The following TRAPPC8 variants were observed in gnomAD, a reference collection of about 807,000 sequenced individuals.
TRAPPC8 encodes the protein trafficking protein particle complex subunit 8, also known as general sporulation gene 1 homolog.
Under a neutral mutation model 174.3 loss-of-function variants are expected in TRAPPC8, and 54 were observed. The observed-to-expected ratio is 0.31, with a 90% CI of 0.25 to 0.39. The LOEUF is 0.39. Ranked by LOEUF, TRAPPC8 falls within the 10% of genes least tolerant of loss-of-function variation. The pLI, the probability that TRAPPC8 is intolerant of heterozygous loss-of-function variation, is 1.00. For synonymous variants in TRAPPC8, 630 were observed against 579.9 expected (o/e 1.09, Z -1.24); for missense variants, 1,531 against 1,699.1 (o/e 0.90, Z 1.74).
chr18:31,841,277 TG>T (rs1333771686), intron 26 of TRAPPC8, among the ~76,000 whole-genome samples: 2 of 152,284 alleles, frequency 1.3e-5, no homozygotes, highest in African/African-American at 4.8e-5. Flanking sequence ...TTTGTATATT[TG>T]TTTTTTTTGT....
chr18:31,907,907 G>C (rs1406285857), intron 8 of TRAPPC8, among the ~76,000 whole-genome samples: 2 of 152,152 alleles, frequency 1.3e-5, no homozygotes, highest in Non-Finnish European at 2.9e-5. Context: ...ACAACCAGGA[G>C]AAAGATTAAA....
Position 31,910,214 on chromosome 18 carries a change from G to A in TRAPPC8, c.772-454C>T, listed in dbSNP as rs9963005. ...GGTTGGAGTGAATTCTGAATATACTGAAGTGTTTTAGAAAAATATCTAACG... is the reference window on the plus strand; with the variant it reads ...GGTTGGAGTGAATTCTGAATATACTAAAGTGTTTTAGAAAAATATCTAACG... On this transcript the variant is annotated intron_variant, in intron 5 of 28. Transcript: ENST00000283351. Among the ~76,000 whole-genome samples, 371 of 152,228 alleles carry A rather than the reference G, an allele frequency of 2.4e-3. 2 individuals are homozygous for A. The highest frequency in any genetic ancestry group is 8.3e-3 in the African/African-American group (345 of 41,552).
In TRAPPC8 at chr18:31,931,648, C is replaced by T. The variant is rs148833130; in HGVS notation, c.158-125G>A. On this transcript the variant is annotated intron_variant, in intron 1 of 28. Coordinates refer to ENST00000283351, the MANE Select transcript of TRAPPC8 (RefSeq NM_014939.5). ...CAGAAGCCAGCAATTCCAAGTGGAACGTTCTTCCAGAAATATAAATGGTTG... is the reference window on the plus strand; with the variant it reads ...CAGAAGCCAGCAATTCCAAGTGGAATGTTCTTCCAGAAATATAAATGGTTG... 446 of 637,408 alleles carry T rather than the reference C, an allele frequency of 7.0e-4. 2 individuals carry two copies. The African/African-American group carries it at 7.0e-3, about 10-fold the overall frequency. The allele number at this position is 637,408 out of a possible 1,614,324, so 39.5% of individuals were successfully genotyped here. A position where few individuals can be genotyped will look rare whatever the true frequency, so the allele number is the denominator to read the frequency against.
At position 31,909,036 on chromosome 18, in the gene TRAPPC8, T is replaced by TAAA. The variant is rs779366431; in HGVS notation, c.866-27_866-26insTTT. On this transcript the variant is annotated intron_variant, in intron 6 of 28. Transcript: ENST00000283351. ...CTACTGAAAAAGAGATTATTTCTTT[T>TAAA]ACTCTCAGAATGCAACAGAAAACAG... 3 of 1,578,890 alleles carry TAAA rather than the reference T, an allele frequency of 1.9e-6. No individual in the cohort carries two copies. The Admixed American group carries it at 5.2e-5, about 27-fold the overall frequency.
rs1310494779 is a variant in TRAPPC8 at position 31,885,657 on chromosome 18, G to A, written c.1728+5078C>T. Among the ~76,000 whole-genome samples the A allele has an allele frequency of 3.3e-5, 5 of 151,812 alleles. No individual in the cohort carries two copies. The South Asian group carries it at 6.2e-4, about 19-fold the overall frequency. ...GCAGATCACCTGAGGTCAGGAGTTC[G>A]AGACCAACCTGACCAACATGGAGAA... On this transcript the variant is annotated intron_variant, in intron 12 of 28. Transcript: ENST00000283351.
At chr18:31,857,473 G>T in intron 20 of TRAPPC8, 67 bp downstream of exon 20, 2 of 1,260,910 alleles carry the variant, frequency 1.6e-6, no homozygotes. Context: ...ATATCAAAAT[G>T]TTTATCTGAA....
At chr18:31,921,206 T>G (rs1378789158) in intron 2 of TRAPPC8, among the ~76,000 whole-genome samples, 1 of 152,142 alleles carries the variant, frequency 6.6e-6, no homozygotes, top group African/African-American at 2.4e-5. Context: ...TATATTTGCT[T>G]ATAGTTTCAA....
intron 4 of TRAPPC8, 30 bp downstream of exon 4, chr18:31,916,241 GA>G: frequency 1.4e-6 from 2 of 1,424,032 alleles, no homozygotes; most frequent in South Asian, 1.7e-5. Flanking sequence ...CATTTAACTG[GA>G]AAAAATTTAA....
chr18:31,905,165 A>T (rs969046292), intron 9 of TRAPPC8, among the ~76,000 whole-genome samples: 3 of 152,210 alleles, frequency 2.0e-5, no homozygotes, highest in African/African-American at 7.2e-5. Flanking sequence ...CTATTCTACT[A>T]CAACACATTT....
Position 31,846,835 on chromosome 18 carries a change from C to T in TRAPPC8, c.3736-18G>A. 6.3e-7 allele frequency: 1 copy of T among 1,591,164 alleles called. No individual in the cohort carries two copies. Among genetic ancestry groups the T allele is most frequent in the Non-Finnish European group, 8.6e-7 (1 of 1,162,838 alleles). On this transcript the variant is annotated intron_variant, in intron 25 of 28. Transcript: ENST00000283351. ...ACGTATGCCTAAAAAATGCAAAGTA[C>T]AAAAACGTTACCGTGCTTGACAGTA...
chr18:31,862,991 G>A (rs1028460967), intron 19 of TRAPPC8, among the ~76,000 whole-genome samples: 1 of 148,726 alleles, frequency 6.7e-6, no homozygotes, highest in Non-Finnish European at 1.5e-5. Context: ...GACGGAGGTT[G>A]CAGTGAGCCG....
chr18:31,874,791 T>C lies in TRAPPC8; in HGVS notation c.1729-87A>G, dbSNP rs940505446. 3.6e-6 allele frequency: 4 copies of C among 1,102,482 alleles called. No homozygotes were observed. In the African/African-American group the frequency reaches 6.3e-5, roughly 17 times the overall value. 68.3% of individuals were successfully genotyped at this position (1,102,482 alleles called of 1,614,324 possible). On this transcript the variant is annotated intron_variant, in intron 12 of 28. Transcript: ENST00000283351. ...AATACAAACACACACATAGAAACAA[T>C]TAAGTAACTGGTTCTTCCTCTAAGG...
At chr18:31,909,899 C>T in intron 5 of TRAPPC8, 139 bp from the exon 6 acceptor site, 1 of 516,974 alleles carries the variant, frequency 1.9e-6, no homozygotes, top group South Asian at 3.2e-5. Flanking sequence ...TCTCGTCCTC[C>T]AAATTCATAA....
chr18:31,886,480 T>A (rs1173215725), intron 12 of TRAPPC8, among the ~76,000 whole-genome samples: 1 of 152,040 alleles, frequency 6.6e-6, no homozygotes, highest in African/African-American at 2.4e-5. Flanking sequence ...TGTGTTCAAG[T>A]GGATTTTTAA....
At chr18:31,874,225 C>T (rs2035029622) in intron 13 of TRAPPC8, 2 of 397,654 alleles carry the variant, frequency 5.0e-6, no homozygotes, top group Non-Finnish European at 8.8e-6. Flanking sequence ...CCTGTGGAAT[C>T]TTTTTTTTTT....
chr18:31,888,407 C>T (rs911356067), intron 12 of TRAPPC8, among the ~76,000 whole-genome samples: 1 of 152,172 alleles, frequency 6.6e-6, no homozygotes, highest in African/African-American at 2.4e-5. Flanking sequence ...GTGATGCATG[C>T]CTGTAATCCC....
At chr18:31,885,447 A>G (rs946289550) in intron 12 of TRAPPC8, among the ~76,000 whole-genome samples, 4 of 152,252 alleles carry the variant, frequency 2.6e-5, no homozygotes, top group African/African-American at 9.6e-5. Flanking sequence ...GCATGAGATG[A>G]CTGTCAAAAT....
At chr18:31,903,108 G>A (rs978098075) in intron 9 of TRAPPC8, among the ~76,000 whole-genome samples, 4 of 10,858 alleles carry the variant, frequency 3.7e-4, no homozygotes, top group Admixed American at 2.4e-3. Context: ...TTGATTGCGC[G>A]CGTGCGTGCG....
intron 1 of TRAPPC8, among the ~76,000 whole-genome samples, chr18:31,931,927 T>C (rs1301706353): frequency 6.6e-6 from 1 of 152,182 alleles, no homozygotes; most frequent in Non-Finnish European, 1.5e-5. Flanking sequence ...AGTTAAAATG[T>C]TGCACTTGGG....
Sources: gnomAD v4.1 joint callset for allele counts (sites outside exome capture counted in the v4.1 genomes callset) on GRCh38, gnomAD v4.1.1 for gene constraint, MANE v1.5 for transcripts, NCBI Gene and HGNC (gene_info 2026-07-23, HGNC 2026-07-21) for gene names.